The following MIPEP variants were observed in gnomAD, a reference collection of about 807,000 sequenced individuals.
The protein encoded by MIPEP is mitochondrial intermediate peptidase.
In MIPEP, 79 loss-of-function variants were observed where a neutral mutation model predicts 90.3. The ratio of observed to expected loss-of-function variants is 0.87; its 90% CI spans 0.73 to 1.05. MIPEP has a LOEUF of 1.05. Among genes scored for constraint, MIPEP ranks in the 50% least tolerant of loss-of-function variants. MIPEP has a pLI of 0.00. For synonymous variants in MIPEP, 334 were observed against 315.8 expected (o/e 1.06, Z -0.61); for missense variants, 940 against 905.6 (o/e 1.04, Z -0.49).
intron 7 of MIPEP, among the ~76,000 whole-genome samples, chr13:23,866,732 T>G (rs914949455): frequency 6.6e-6 from 1 of 152,318 alleles, no homozygotes; most frequent in East Asian, 1.9e-4. Flanking sequence ...TTCACTCTCT[T>G]AGTGGTATCA....
At chr13:23,857,329 T>A (rs1343737236) in intron 10 of MIPEP, among the ~76,000 whole-genome samples, 2 of 152,212 alleles carry the variant, frequency 1.3e-5, no homozygotes, top group Non-Finnish European at 2.9e-5. Flanking sequence ...AAAAGACTGA[T>A]GCTGAATTTG....
intron 16 of MIPEP, among the ~76,000 whole-genome samples, chr13:23,775,109 C>CTCTCTGTGTGTGTG (rs1375320068): frequency 3.4e-5 from 5 of 149,200 alleles, no homozygotes; most frequent in African/African-American, 1.2e-4. Flanking sequence ...TATCAGTTCT[C>CTCTCTGTGTGTGTG]TGTGTGTGTG....
intron 10 of MIPEP, among the ~76,000 whole-genome samples, chr13:23,857,297 A>G (rs960377065): frequency 2.0e-5 from 3 of 152,220 alleles, no homozygotes; most frequent in Admixed American, 6.5e-5. Context: ...TTTGAATAAC[A>G]GTTTATGTGT....
chr13:23,889,363 C>G lies in MIPEP; in HGVS notation c.-43G>C. ...CCCTTCCTCCAACGCAGATCCCTGCCCTGCTGCTTTCGCTGGGAGCGCGCG... is the reference window on the plus strand; with the variant it reads ...CCCTTCCTCCAACGCAGATCCCTGCGCTGCTGCTTTCGCTGGGAGCGCGCG... On this transcript the variant is annotated 5_prime_UTR_variant, in exon 1 of 19. Transcript: ENST00000382172. 1.6e-6 allele frequency: 2 copies of G among 1,250,856 alleles called. No individual in the cohort carries two copies. Among genetic ancestry groups the G allele is most frequent in the Non-Finnish European group, 2.0e-6 (2 of 996,390 alleles). 77.5% of individuals were successfully genotyped at this position (1,250,856 alleles called of 1,614,324 possible).
intron 18 of MIPEP, among the ~76,000 whole-genome samples, chr13:23,755,935 C>T (rs959806369): frequency 1.3e-5 from 2 of 149,894 alleles, no homozygotes; most frequent in African/African-American, 2.5e-5. Context: ...AAAAAAAAAA[C>T]ACTGTGACCT....
chr13:23,860,559 C>G (rs557580992), intron 9 of MIPEP, among the ~76,000 whole-genome samples: 63 of 152,252 alleles, frequency 4.1e-4, no homozygotes, highest in Admixed American at 1.3e-3. Flanking sequence ...GCGGGAGCAG[C>G]AGGGTAGTAG....
intron 11 of MIPEP, 83 bp downstream of exon 11, chr13:23,841,252 T>G: frequency 1.5e-6 from 2 of 1,304,344 alleles, no homozygotes; most frequent in Non-Finnish European, 2.1e-6. Flanking sequence ...GCAAAGTTGA[T>G]GTAAACCTGA....
intron 4 of MIPEP, 121 bp from the exon 5 acceptor site, chr13:23,875,030 ACAC>A: frequency 2.2e-5 from 2 of 89,632 alleles, no homozygotes; most frequent in South Asian, 4.8e-4. Context: ...TCTTCAAAAC[ACAC>A]ACACACACAC....
chr13:23,858,840 G>A lies in MIPEP; in HGVS notation c.1106+20C>T, dbSNP rs749104692. On this transcript the variant is annotated intron_variant, in intron 10 of 18. Coordinates refer to ENST00000382172, the MANE Select transcript of MIPEP (RefSeq NM_005932.4). ...TTTCCTTTTTCCTTTTCCTGTACGGGTATTTCTTGAAAAACTTACCTTTCT... is the reference window on the plus strand; with the variant it reads ...TTTCCTTTTTCCTTTTCCTGTACGGATATTTCTTGAAAAACTTACCTTTCT... 5.8e-5 allele frequency: 93 copies of A among 1,608,646 alleles called. No individual in the cohort carries two copies. The highest frequency in any genetic ancestry group is 3.3e-4 in the Middle Eastern group (2 of 6,078).
At chr13:23,841,088 C>G (rs1430806660) in intron 11 of MIPEP, among the ~76,000 whole-genome samples, 1 of 152,130 alleles carries the variant, frequency 6.6e-6, no homozygotes, top group Non-Finnish European at 1.5e-5. Flanking sequence ...TATGAAGGTG[C>G]ATATATATTC....
chr13:23,813,826 G>C (rs1174609337), intron 14 of MIPEP, among the ~76,000 whole-genome samples: 3 of 152,126 alleles, frequency 2.0e-5, no homozygotes, highest in African/African-American at 7.2e-5. Context: ...AGATACAGAA[G>C]GTTGACTGTA....
At chr13:23,775,232 T>C (rs1208369196) in intron 16 of MIPEP, among the ~76,000 whole-genome samples, 1 of 152,200 alleles carries the variant, frequency 6.6e-6, no homozygotes, top group African/African-American at 2.4e-5. Context: ...CCTTGTAATA[T>C]GAATGCTTTT....
At chr13:23,863,085 T>C (rs973304586) in intron 8 of MIPEP, among the ~76,000 whole-genome samples, 1 of 152,236 alleles carries the variant, frequency 6.6e-6, no homozygotes, top group Non-Finnish European at 1.5e-5. Flanking sequence ...GGCATGAGTT[T>C]ATAGTCCAAA....
intron 14 of MIPEP, among the ~76,000 whole-genome samples, chr13:23,822,505 T>C (rs562588410): frequency 6.6e-6 from 1 of 152,350 alleles, no homozygotes; most frequent in African/African-American, 2.4e-5. Flanking sequence ...ATCCCGATGA[T>C]GCATTCAATG....
At chr13:23,735,136 C>T (rs767325517) in intron 18 of MIPEP, among the ~76,000 whole-genome samples, 3 of 152,148 alleles carry the variant, frequency 2.0e-5, no homozygotes, top group South Asian at 2.1e-4. Context: ...GCTTTTCCTG[C>T]GGGCTACGTG....
At chr13:23,870,451 C>T (rs1337913897) in intron 5 of MIPEP, among the ~76,000 whole-genome samples, 2 of 152,014 alleles carry the variant, frequency 1.3e-5, no homozygotes, top group Non-Finnish European at 2.9e-5. Context: ...TTAAGATTTA[C>T]ATAACTTCTA....
rs1869211051 is a variant in MIPEP, at chr13:23,839,700, C to T, written c.1287G>A (p.Leu429=). Reference sequence around the variant, plus strand: ...AAAAATCACAGTAAATGTACCCCAACAATCCTTCAGATTCATGAACAACAG... The same window carrying T: ...AAAAATCACAGTAAATGTACCCCAATAATCCTTCAGATTCATGAACAACAG... ...KLAVVHESEG[L]LGYIYCDFFQ... The change falls in exon 12 of 19, where the codon TTG becomes TTA. Residue 429 remains leucine (L), a synonymous_variant. Coordinates refer to ENST00000382172, the MANE Select transcript of MIPEP (RefSeq NM_005932.4). The T allele has an allele frequency of 6.2e-7, 1 of 1,612,622 alleles. No individual in the cohort carries two copies. Among genetic ancestry groups the T allele is most frequent in the African/African-American group, 1.3e-5 (1 of 74,866 alleles).
intron 18 of MIPEP, among the ~76,000 whole-genome samples, chr13:23,745,179 T>C (rs1952369491): frequency 6.6e-6 from 1 of 152,204 alleles, no homozygotes; most frequent in African/African-American, 2.4e-5. Context: ...AACTCTACAA[T>C]TAACCAGGGA....
intron 16 of MIPEP, among the ~76,000 whole-genome samples, chr13:23,782,039 A>T (rs922321589): frequency 6.6e-6 from 1 of 152,230 alleles, no homozygotes; most frequent in East Asian, 1.9e-4. Context: ...AACATTAGAC[A>T]GATCAACAAG....
Sources: allele counts gnomAD v4.1 joint callset (sites outside exome capture counted in the v4.1 genomes callset), GRCh38; gene constraint gnomAD v4.1.1; transcripts MANE v1.5; gene names NCBI Gene and HGNC (gene_info 2026-07-23, HGNC 2026-07-21).